GPR89A: variants seen among roughly 807,000 people sequenced by gnomAD.
GPR89A encodes G protein-coupled receptor 89A.
Under a neutral mutation model 52.0 loss-of-function variants are expected in GPR89A, and 16 were observed. The observed-to-expected ratio is 0.31, with a 90% CI of 0.21 to 0.47. The LOEUF is 0.47. Among genes scored for constraint, GPR89A ranks in the 20% least tolerant of loss-of-function variants. GPR89A has a pLI of 1.00. For synonymous variants in GPR89A, 55 were observed against 150.9 expected (o/e 0.36, Z 4.66); for missense variants, 135 against 449.4 (o/e 0.30, Z 6.33).
chr1:145,619,531 G>C (rs1648966053), intron 3 of GPR89A, among the ~76,000 whole-genome samples: 1 of 152,038 alleles, frequency 6.6e-6, no homozygotes, highest in Admixed American at 6.5e-5. Flanking sequence ...AGGATCCCTT[G>C]AGCCCAGGAG....
intron 5 of GPR89A, among the ~76,000 whole-genome samples, chr1:145,626,030 T>C (rs1649475002): frequency 6.6e-6 from 1 of 150,458 alleles, no homozygotes; most frequent in African/African-American, 2.5e-5. Flanking sequence ...TTTAACACTC[T>C]GGATAGGAAT....
rs1384153724 is a variant in GPR89A, at chr1:145,662,733, C to T, written c.910-596C>T. On this transcript the variant is annotated intron_variant, in intron 10 of 13. Coordinates refer to ENST00000313835, the MANE Select transcript of GPR89A (RefSeq NM_001097612.2). ...GAGTTTGCTCACCTATTATGCAGAC[C>T]ATTTACATTTCATGTGATTATTGAT... is the stretch of plus-strand genomic sequence containing the variant. 4.6e-5 allele frequency among the ~76,000 whole-genome samples: 7 copies of T among 152,180 alleles called. No homozygotes were observed. The East Asian group carries it at 1.2e-3, about 25-fold the overall frequency.
chr1:145,608,585 C>G (rs587736495), intron 1 of GPR89A: 139 of 566,136 alleles, frequency 2.5e-4, no homozygotes, highest in African/African-American at 2.4e-3. Context: ...ATACTGGATA[C>G]TGAGGACACG....
intron 11 of GPR89A, among the ~76,000 whole-genome samples, chr1:145,664,210 A>C (rs1652401872): frequency 6.6e-6 from 1 of 152,116 alleles, no homozygotes; most frequent in Admixed American, 6.6e-5. Flanking sequence ...ACTTGGATGA[A>C]ATGAAAATGA....
chr1:145,657,381 A>C, intron 10 of GPR89A, among the ~76,000 whole-genome samples: 2 of 144,592 alleles, frequency 1.4e-5, no homozygotes, highest in African/African-American at 5.3e-5. Context: ...ACAGAGGGAG[A>C]CTCTGTCTCA....
rs1652940030 is a variant in GPR89A, at chr1:145,670,650, A to C, written c.*610A>C. The C allele has an allele frequency of 6.0e-6, 1 of 167,514 alleles. No homozygotes were observed. Among genetic ancestry groups the C allele is most frequent in the African/African-American group, 2.4e-5 (1 of 41,440 alleles). The allele number at this position is 167,514 out of a possible 1,614,324, so 10.4% of individuals were successfully genotyped here. A position where few individuals can be genotyped will look rare whatever the true frequency, so the allele number is the denominator to read the frequency against. On this transcript the variant is annotated 3_prime_UTR_variant, in exon 14 of 14. Transcript: ENST00000313835. Reference sequence around the variant, plus strand: ...CCTGAAATAGATTTTACCAAAAGAGAGATTTCAGGTATGTCATTTTTTCTT... The same window carrying C: ...CCTGAAATAGATTTTACCAAAAGAGCGATTTCAGGTATGTCATTTTTTCTT...
At chr1:145,619,082 G>A (rs1431968716) in intron 3 of GPR89A, among the ~76,000 whole-genome samples, 2 of 152,036 alleles carry the variant, frequency 1.3e-5, no homozygotes, top group Non-Finnish European at 2.9e-5. Flanking sequence ...ACTTTGTTGT[G>A]CTTTTTTATC....
intron 11 of GPR89A, among the ~76,000 whole-genome samples, chr1:145,663,997 AC>A: frequency 6.6e-6 from 1 of 150,534 alleles, no homozygotes; most frequent in African/African-American, 2.4e-5. Context: ...TGTCATAAAT[AC>A]ACCCTTGTCC....
At chr1:145,615,672 C>G (rs2101733338) in intron 1 of GPR89A, among the ~76,000 whole-genome samples, 1 of 126,396 alleles carries the variant, frequency 7.9e-6, no homozygotes, top group South Asian at 2.9e-4. Context: ...ATCACCCAGG[C>G]TGGAATGCAG....
chr1:145,645,694 A>G (rs1207863846), intron 8 of GPR89A: 10 of 453,890 alleles, frequency 2.2e-5, no homozygotes, highest in Admixed American at 1.9e-4. Flanking sequence ...GCATAAGACA[A>G]TCCCATGAAG....
chr1:145,646,430 A>G lies in GPR89A; in HGVS notation c.816+158A>G, dbSNP rs587721822. 3,133 of 575,756 alleles carry G rather than the reference A, an allele frequency of 5.4e-3. 20 individuals carry two copies. Among genetic ancestry groups the G allele is most frequent in the Middle Eastern group, 0.021 (45 of 2,114 alleles). The allele number at this position is 575,756 out of a possible 1,614,324, so 35.7% of individuals were successfully genotyped here. A position where few individuals can be genotyped will look rare whatever the true frequency, so the allele number is the denominator to read the frequency against. ...TAGGGATAAGGGATCTTCACTCTTC[A>G]TGAAATTGCTCCTGTCACTAGCAAA... On this transcript the variant is annotated intron_variant, in intron 9 of 13. Coordinates refer to ENST00000313835, the MANE Select transcript of GPR89A (RefSeq NM_001097612.2).
chr1:145,619,797 C>T (rs782274500), intron 3 of GPR89A, among the ~76,000 whole-genome samples: 48 of 152,180 alleles, frequency 3.2e-4, no homozygotes, highest in Non-Finnish European at 4.7e-4. Flanking sequence ...AGGCGGATCA[C>T]GAGGTCAGGA....
chr1:145,622,874 T>G (rs1553688343), intron 3 of GPR89A, among the ~76,000 whole-genome samples, 180 bp from the exon 4 acceptor site: 1 of 152,106 alleles, frequency 6.6e-6, no homozygotes, highest in Non-Finnish European at 1.5e-5. Context: ...TATATACCTT[T>G]CAAAAATTTG....
intron 7 of GPR89A, among the ~76,000 whole-genome samples, chr1:145,634,962 A>T (rs1330218228): frequency 6.6e-6 from 1 of 152,044 alleles, no homozygotes; most frequent in Non-Finnish European, 1.5e-5. Context: ...TTATTAGTCT[A>T]CTCTCTTTAT....
At chr1:145,665,466 C>T in intron 11 of GPR89A, 96 bp from the exon 12 acceptor site, 2 of 1,544,306 alleles carry the variant, frequency 1.3e-6, no homozygotes, top group Non-Finnish European at 1.8e-6. Flanking sequence ...TAATAAAGCT[C>T]CCTCTCACAG....
intron 10 of GPR89A, among the ~76,000 whole-genome samples, chr1:145,652,307 C>A (rs1331121054): frequency 1.3e-5 from 2 of 152,120 alleles, no homozygotes; most frequent in Non-Finnish European, 2.9e-5. Flanking sequence ...TTTACTGATT[C>A]GTGTATGTTG....
intron 7 of GPR89A, among the ~76,000 whole-genome samples, chr1:145,639,850 C>T (rs1361217184): frequency 1.3e-5 from 2 of 151,618 alleles, no homozygotes; most frequent in East Asian, 3.9e-4. Context: ...TAACCTTTCA[C>T]CAAATGGTGC....
At chr1:145,619,093 A>C (rs1648921060) in intron 3 of GPR89A, among the ~76,000 whole-genome samples, 1 of 151,998 alleles carries the variant, frequency 6.6e-6, no homozygotes, top group Non-Finnish European at 1.5e-5. Context: ...CTTTTTTATC[A>C]CCACCTGGAA....
At chr1:145,639,746 C>CA (rs71584625) in intron 7 of GPR89A, among the ~76,000 whole-genome samples, 124,354 of 131,262 alleles carry the variant, frequency 0.95, 59,105 homozygotes, top group South Asian at 1. Context: ...AACTCTGTCT[C>CA]AAAAAAAAAA....
Sources: gnomAD v4.1 joint callset for allele counts (sites outside exome capture counted in the v4.1 genomes callset) on GRCh38, gnomAD v4.1.1 for gene constraint, MANE v1.5 for transcripts, NCBI Gene and HGNC (gene_info 2026-07-23, HGNC 2026-07-21) for gene names.